The following LHFPL2 variants were observed in gnomAD, a reference collection of about 807,000 sequenced individuals.
LHFPL2 encodes the protein LHFPL tetraspan subfamily member 2.
Under a neutral mutation model 17.5 loss-of-function variants are expected in LHFPL2, and 7 were observed. The observed-to-expected ratio is 0.40, with a 90% CI of 0.23 to 0.75. The LOEUF is 0.75. LHFPL2 is among the 30% of genes least tolerant of loss of function. LHFPL2 has a pLI of 0.37. For missense variants in LHFPL2, 241 were observed against 294.8 expected, an observed-to-expected ratio of 0.82 and a Z score of 1.34; for synonymous variants, 134 against 116.2, an observed-to-expected ratio of 1.15 and a Z score of -0.99.
At chr5:78,600,386 C>T (rs1743969933) in intron 2 of LHFPL2, among the ~76,000 whole-genome samples, 1 of 151,906 alleles carries the variant, frequency 6.6e-6, no homozygotes, top group Non-Finnish European at 1.5e-5. Flanking sequence ...CAGCCTGGCT[C>T]AAAAGACAAT....
At chr5:78,623,307 A>G (rs146508555) in intron 2 of LHFPL2, among the ~76,000 whole-genome samples, 116 of 152,344 alleles carry the variant, frequency 7.6e-4, no homozygotes, top group African/African-American at 2.6e-3. Flanking sequence ...ACAGAACTCC[A>G]TCACATTATT....
At position 78,579,312 on chromosome 5, in the gene LHFPL2, T is replaced by TG. The variant is rs1397274363; in HGVS notation, c.-244-14442_-244-14441insC. On this transcript the variant is annotated intron_variant, in intron 2 of 4. Transcript: ENST00000380345. ...GCTAAGATTCTTAGTGCTCGCAAGG[T>TG]TTTTTTTTTGTTGTTGTTGTTGTTT... Among the ~76,000 whole-genome samples, 7 of 142,434 alleles carry TG rather than the reference T, an allele frequency of 4.9e-5. No individual in the cohort carries two copies. In the East Asian group the frequency reaches 1.2e-3, roughly 25 times the overall value. The allele number at this position is 142,434 out of a possible 152,430, so 93.4% of individuals were successfully genotyped here.
intron 2 of LHFPL2, among the ~76,000 whole-genome samples, chr5:78,602,303 A>T (rs61188386): frequency 6.6e-6 from 1 of 152,222 alleles, no homozygotes; most frequent in Non-Finnish European, 1.5e-5. Flanking sequence ...ATTTCTGTTA[A>T]TGTCACAGAA....
chr5:78,617,718 C>T lies in LHFPL2; in HGVS notation c.-245+14546G>A, dbSNP rs575023987. On this transcript the variant is annotated intron_variant, in intron 2 of 4. Coordinates refer to ENST00000380345, the MANE Select transcript of LHFPL2 (RefSeq NM_005779.3). ...ATGAGAGCAATAATTTAGGAGAGGG[C>T]GCCGGATGAAGGCAGGACTCTGACC... Among the ~76,000 whole-genome samples, 23 of 152,166 alleles carry T rather than the reference C, an allele frequency of 1.5e-4. No homozygotes were observed. In the East Asian group the frequency reaches 4.3e-3, roughly 28 times the overall value.
At chr5:78,567,675 G>A (rs958503768) in intron 2 of LHFPL2, among the ~76,000 whole-genome samples, 1 of 152,146 alleles carries the variant, frequency 6.6e-6, no homozygotes, top group African/African-American at 2.4e-5. Context: ...TTAAGGATGA[G>A]GAAGCAGGCA....
intron 2 of LHFPL2, among the ~76,000 whole-genome samples, chr5:78,580,180 A>G (rs1353673497): frequency 6.6e-6 from 1 of 151,762 alleles, no homozygotes; most frequent in Middle Eastern, 3.2e-3. Flanking sequence ...TCCTTCACCC[A>G]CTTTTTGATG....
At chr5:78,551,299 T>C (rs1330640993) in intron 3 of LHFPL2, among the ~76,000 whole-genome samples, 1 of 152,096 alleles carries the variant, frequency 6.6e-6, no homozygotes, top group African/African-American at 2.4e-5. Flanking sequence ...CTTGGAAGAG[T>C]TCCATAGCAA....
intron 3 of LHFPL2, among the ~76,000 whole-genome samples, chr5:78,551,457 G>C (rs1036429193): frequency 4.6e-5 from 7 of 152,104 alleles, no homozygotes; most frequent in Non-Finnish European, 1.0e-4. Flanking sequence ...TTTGTATCTG[G>C]GGGCCACTTC....
intron 2 of LHFPL2, among the ~76,000 whole-genome samples, chr5:78,572,529 T>TAC (rs1325802748): frequency 1.6e-4 from 24 of 150,716 alleles, no homozygotes; most frequent in African/African-American, 3.4e-4. Flanking sequence ...CATATATATA[T>TAC]ATACACACAC....
At chr5:78,616,417 G>A (rs1460002588) in intron 2 of LHFPL2, among the ~76,000 whole-genome samples, 4 of 151,940 alleles carry the variant, frequency 2.6e-5, no homozygotes, top group Non-Finnish European at 5.9e-5. Context: ...ATGAACCACC[G>A]CGTCCATCCT....
intron 3 of LHFPL2, among the ~76,000 whole-genome samples, chr5:78,523,753 T>G (rs1755532906): frequency 1.3e-5 from 2 of 152,122 alleles, no homozygotes; most frequent in South Asian, 4.1e-4. Context: ...CGAGATACAC[T>G]TCAAAATGTT....
chr5:78,561,292 T>G (rs985156942), intron 3 of LHFPL2, among the ~76,000 whole-genome samples: 2 of 152,224 alleles, frequency 1.3e-5, no homozygotes, highest in Non-Finnish European at 2.9e-5. Context: ...GAAAGAAAAC[T>G]TCAGTACCTC....
intron 2 of LHFPL2, among the ~76,000 whole-genome samples, chr5:78,628,547 T>C (rs1375429926): frequency 6.6e-6 from 1 of 152,124 alleles, no homozygotes; most frequent in East Asian, 1.9e-4. Context: ...CAGCCCCTTC[T>C]CACTCAGAGT....
chr5:78,554,004 T>C (rs1368820838), intron 3 of LHFPL2, among the ~76,000 whole-genome samples: 2 of 152,224 alleles, frequency 1.3e-5, no homozygotes, highest in Non-Finnish European at 2.9e-5. Flanking sequence ...CGTTCCCCAT[T>C]TCAGGATCAG....
Position 78,510,405 on chromosome 5 carries a change from G to C in LHFPL2, c.-185-7C>G. 1.7e-6 allele frequency: 1 copy of C among 589,678 alleles called. No homozygotes were observed. Among genetic ancestry groups the C allele is most frequent in the Non-Finnish European group, 2.9e-6 (1 of 346,532 alleles). 36.5% of individuals were successfully genotyped at this position (589,678 alleles called of 1,614,324 possible). On this transcript the variant is annotated splice_polypyrimidine_tract_variant and splice_region_variant and intron_variant, in intron 3 of 4. Coordinates refer to ENST00000380345, the MANE Select transcript of LHFPL2 (RefSeq NM_005779.3). Reference sequence around the variant, plus strand: ...GCACCGCCTGCGGCCTCACCTAGGGGAGAGGGAGGGCGGTTAGCAGCGCCG... The same window carrying C: ...GCACCGCCTGCGGCCTCACCTAGGGCAGAGGGAGGGCGGTTAGCAGCGCCG...
chr5:78,644,107 A>G (rs1029899310), intron 1 of LHFPL2, among the ~76,000 whole-genome samples: 5 of 152,160 alleles, frequency 3.3e-5, no homozygotes, highest in Admixed American at 6.5e-5. Context: ...GTATCTAAAG[A>G]TAACATTTGG....
intron 2 of LHFPL2, among the ~76,000 whole-genome samples, chr5:78,598,113 A>C (rs764040103): frequency 6.6e-6 from 1 of 152,246 alleles, no homozygotes; most frequent in Non-Finnish European, 1.5e-5. Context: ...CCATGTGTCA[A>C]GATGATCTGG....
chr5:78,639,634 T>TA (rs33917049), intron 1 of LHFPL2, among the ~76,000 whole-genome samples: 11 of 150,804 alleles, frequency 7.3e-5, no homozygotes, highest in East Asian at 2.0e-4. Context: ...TTGGCCATTT[T>TA]AAAAAAAAAA....
At chr5:78,489,811 AT>A (rs1376041732) in intron 4 of LHFPL2, among the ~76,000 whole-genome samples, 1 of 152,258 alleles carries the variant, frequency 6.6e-6, no homozygotes, top group African/African-American at 2.4e-5. Flanking sequence ...AGCTGTGGCC[AT>A]TCATTTTTGG....
Sources: allele counts gnomAD v4.1 joint callset (sites outside exome capture counted in the v4.1 genomes callset), GRCh38; gene constraint gnomAD v4.1.1; transcripts MANE v1.5; gene names NCBI Gene and HGNC (gene_info 2026-07-23, HGNC 2026-07-21).